The following BCAS1 variants were observed in gnomAD, a reference collection of about 807,000 sequenced individuals.
BCAS1 encodes brain enriched myelin associated protein 1, also known as breast carcinoma-amplified sequence 1.
A neutral mutation model predicts 65.4 loss-of-function variants in BCAS1; 46 were observed. The ratio of observed to expected loss-of-function variants is 0.70; its 90% CI spans 0.55 to 0.90. BCAS1 has a LOEUF of 0.90. BCAS1 is among the 40% of genes least tolerant of loss of function. BCAS1 has a pLI of 0.00. For missense variants in BCAS1, 793 were observed against 771.2 expected, an observed-to-expected ratio of 1.03 and a Z score of -0.33; for synonymous variants, 298 against 293.5, an observed-to-expected ratio of 1.02 and a Z score of -0.16.
intron 7 of BCAS1, among the ~76,000 whole-genome samples, chr20:53,990,322 G>A (rs1032944582): frequency 6.6e-6 from 1 of 152,116 alleles, no homozygotes; most frequent in South Asian, 2.1e-4. Context: ...ACATGAAAAA[G>A]TTTGATTCTG....
At chr20:53,978,666 G>A (rs1600764338) in intron 8 of BCAS1, among the ~76,000 whole-genome samples, 1 of 152,318 alleles carries the variant, frequency 6.6e-6, no homozygotes, top group Middle Eastern at 3.4e-3. Flanking sequence ...AACTATTCTT[G>A]TACATTTGCA....
intron 4 of BCAS1, among the ~76,000 whole-genome samples, chr20:54,022,923 G>A (rs2091593531): frequency 6.6e-6 from 1 of 152,138 alleles, no homozygotes; most frequent in African/African-American, 2.4e-5. Context: ...ACTGCTAAAT[G>A]CATCAAAATC....
intron 1 of BCAS1, among the ~76,000 whole-genome samples, chr20:54,068,217 G>T (rs1011673810): frequency 6.6e-5 from 10 of 152,352 alleles, no homozygotes; most frequent in African/African-American, 2.4e-4. Flanking sequence ...TTTTAGGGCT[G>T]CTTGGTGATT....
At chr20:54,002,717 T>A (rs1277940099) in intron 4 of BCAS1, among the ~76,000 whole-genome samples, 1 of 152,230 alleles carries the variant, frequency 6.6e-6, no homozygotes, top group Non-Finnish European at 1.5e-5. Flanking sequence ...ATAATGATTA[T>A]GAACATTATT....
intron 10 of BCAS1, among the ~76,000 whole-genome samples, chr20:53,963,148 C>G (rs916247416): frequency 2.6e-5 from 4 of 151,282 alleles, no homozygotes; most frequent in Non-Finnish European, 5.9e-5. Context: ...CCGCGCCTGG[C>G]CTCTATTTTT....
chr20:53,991,011 GA>G lies in BCAS1; in HGVS notation c.1062+1500del, dbSNP rs529972029. On this transcript the variant is annotated intron_variant, in intron 7 of 12. Transcript: ENST00000688948. ...GGGAAGCCCTAGGAATGATAACATTGAACTTGGGTGGTCCCTTTATTGGTGG... is the reference window on the plus strand; with the variant it reads ...GGGAAGCCCTAGGAATGATAACATTGACTTGGGTGGTCCCTTTATTGGTGG... Among the ~76,000 whole-genome samples, 310 of 152,322 alleles carry G rather than the reference GA, an allele frequency of 2.0e-3. 1 individual carries two copies. The highest frequency in any genetic ancestry group is 0.014 in the Middle Eastern group (4 of 294).
intron 8 of BCAS1, among the ~76,000 whole-genome samples, chr20:53,985,024 T>C (rs1321899363): frequency 6.6e-6 from 1 of 152,216 alleles, no homozygotes; most frequent in Non-Finnish European, 1.5e-5. Flanking sequence ...CCCTCTGTCA[T>C]GAAATGAAGT....
chr20:54,007,808 C>T (rs1336389825), intron 4 of BCAS1, among the ~76,000 whole-genome samples: 1 of 152,150 alleles, frequency 6.6e-6, no homozygotes, highest in Non-Finnish European at 1.5e-5. Context: ...TCTCCTGTTC[C>T]TCTCACCAAG....
intron 3 of BCAS1, among the ~76,000 whole-genome samples, chr20:54,050,471 G>A (rs1213321801): frequency 2.0e-5 from 3 of 152,172 alleles, no homozygotes; most frequent in Non-Finnish European, 4.4e-5. Flanking sequence ...ACTCTCAGTG[G>A]GGATGGTATT....
intron 1 of BCAS1, among the ~76,000 whole-genome samples, chr20:54,060,653 T>C (rs1225934770): frequency 3.9e-5 from 6 of 152,128 alleles, no homozygotes; most frequent in African/African-American, 1.4e-4. Flanking sequence ...TTACGTGAGA[T>C]GGGATCATAT....
At chr20:54,041,909 C>CCAAA (rs1555878246) in intron 3 of BCAS1, among the ~76,000 whole-genome samples, 1 of 79,780 alleles carries the variant, frequency 1.3e-5, no homozygotes, top group Non-Finnish European at 2.2e-5. Flanking sequence ...CTGTCTCCCC[C>CCAAA]AAAAAAAAAA....
chr20:53,952,107 A>T (rs1197889541), intron 12 of BCAS1, among the ~76,000 whole-genome samples: 5 of 152,244 alleles, frequency 3.3e-5, no homozygotes, highest in Admixed American at 3.3e-4. Flanking sequence ...TGCAAGTAGA[A>T]ATTGTTAAGT....
chr20:53,952,418 G>T lies in BCAS1; in HGVS notation c.1815+1014C>A, dbSNP rs573900880. 2.3e-3 allele frequency among the ~76,000 whole-genome samples: 346 copies of T among 152,294 alleles called. 2 individuals carry two copies. The highest frequency in any genetic ancestry group is 3.9e-3 in the Non-Finnish European group (266 of 68,026). Reference sequence around the variant, plus strand: ...CCTCCCCACCAGTCTGCCTAAAATTGCAAGCAGTAAAAAAATTTCCTCTGC... The same window carrying T: ...CCTCCCCACCAGTCTGCCTAAAATTTCAAGCAGTAAAAAAATTTCCTCTGC... On this transcript the variant is annotated intron_variant, in intron 12 of 12. Transcript: ENST00000688948.
intron 12 of BCAS1, among the ~76,000 whole-genome samples, chr20:53,945,950 T>TGG (rs1259045570): frequency 2.6e-5 from 4 of 152,020 alleles, no homozygotes; most frequent in Non-Finnish European, 5.9e-5. Flanking sequence ...TTTAAAATTT[T>TGG]TTTTGTAGAG....
chr20:54,064,248 ATC>A (rs1262973587), intron 1 of BCAS1, among the ~76,000 whole-genome samples: 2 of 152,132 alleles, frequency 1.3e-5, no homozygotes, highest in Admixed American at 6.5e-5. Context: ...TACTTTCAAG[ATC>A]TCTAGGTGAT....
chr20:53,972,619 A>G (rs942395737), intron 9 of BCAS1, among the ~76,000 whole-genome samples: 7 of 152,236 alleles, frequency 4.6e-5, no homozygotes, highest in Non-Finnish European at 1.0e-4. Context: ...TTCACATCAT[A>G]AAATATTCTT....
chr20:53,996,493 A>G (rs1203910392), intron 4 of BCAS1, among the ~76,000 whole-genome samples: 1 of 151,880 alleles, frequency 6.6e-6, no homozygotes, highest in Non-Finnish European at 1.5e-5. Context: ...GAAAAAGAAA[A>G]AGAAAAAGTA....
intron 3 of BCAS1, among the ~76,000 whole-genome samples, chr20:54,031,644 G>A (rs2091802754): frequency 3.3e-5 from 5 of 151,392 alleles, no homozygotes; most frequent in African/African-American, 1.2e-4. Context: ...GGAAATCCAG[G>A]AAGCAGATAC....
At chr20:54,031,444 T>A (rs912145369) in intron 3 of BCAS1, among the ~76,000 whole-genome samples, 1 of 151,352 alleles carries the variant, frequency 6.6e-6, no homozygotes, top group Admixed American at 6.6e-5. Context: ...CAAATTTAGG[T>A]GGGTACATAC....
Sources: allele counts gnomAD v4.1 joint callset (sites outside exome capture counted in the v4.1 genomes callset), GRCh38; gene constraint gnomAD v4.1.1; transcripts MANE v1.5; gene names NCBI Gene and HGNC (gene_info 2026-07-23, HGNC 2026-07-21).